Variants in ROCK2 observed in about 807,000 individuals in gnomAD.
The protein encoded by ROCK2 is Rho associated coiled-coil containing protein kinase 2, also known as rho-associated protein kinase 2.
ROCK2 carries 61 observed loss-of-function variants against 195.1 expected under a neutral mutation model. The observed-to-expected ratio is 0.31, with a 90% CI of 0.25 to 0.39. ROCK2 has a LOEUF of 0.39. Among genes scored for constraint, ROCK2 ranks in the 10% least tolerant of loss-of-function variants. The probability of loss-of-function intolerance (pLI) is 1.00; values close to 1 mark genes in which losing one functional copy is unlikely to be tolerated. For synonymous variants in ROCK2, 504 were observed against 545.5 expected (o/e 0.92, Z 1.06); for missense variants, 1,109 against 1,637.4 (o/e 0.68, Z 5.57).
At chr2:11,208,696 A>G (rs1295320703) in intron 18 of ROCK2, among the ~76,000 whole-genome samples, 1 of 151,538 alleles carries the variant, frequency 6.6e-6, no homozygotes, top group Non-Finnish European at 1.5e-5. Flanking sequence ...GATTCAAGCA[A>G]TTCTCGTGCC....
intron 17 of ROCK2, among the ~76,000 whole-genome samples, chr2:11,213,245 G>A (rs1026994455): frequency 6.6e-6 from 1 of 152,056 alleles, no homozygotes; most frequent in African/African-American, 2.4e-5. Context: ...TCTCCACACA[G>A]TATACAGCGA....
rs148969026 is a variant in ROCK2, at chr2:11,231,667, A to T, written c.723+4035T>A. Among the ~76,000 whole-genome samples, 1,081 of 152,194 alleles carry T rather than the reference A, an allele frequency of 7.1e-3. 14 individuals carry two copies. The highest frequency in any genetic ancestry group is 0.025 in the African/African-American group (1,029 of 41,514). ...ATAAATATCTTACAATGTGACTCTC[A>T]CTCACATTTAGATAAGTTTTTTTTT... On this transcript the variant is annotated intron_variant, in intron 5 of 32. Transcript: ENST00000315872.
intron 4 of ROCK2, among the ~76,000 whole-genome samples, chr2:11,240,512 G>A (rs935109554): frequency 1.4e-4 from 21 of 152,214 alleles, no homozygotes; most frequent in African/African-American, 4.6e-4. Flanking sequence ...AGTACCAGAT[G>A]TAAAAGATAA....
rs1558388197 is a variant in ROCK2, at chr2:11,317,591, TATATATATA to T, written c.141+26396_141+26404del. Among the ~76,000 whole-genome samples the T allele has an allele frequency of 1.8e-3, 25 of 13,940 alleles. 1 individual carries two copies. Among genetic ancestry groups the T allele is most frequent in the Non-Finnish European group, 3.6e-3 (25 of 6,872 alleles). The allele number at this position is 13,940 out of a possible 152,430, so 9.1% of individuals were successfully genotyped here. A position where few individuals can be genotyped will look rare whatever the true frequency, so the allele number is the denominator to read the frequency against. Reference sequence around the variant, plus strand: ...ATCTACACATTTATATATATATATATATATATATATATATATATATATTTTTTTTTTTTT... The same window carrying T: ...ATCTACACATTTATATATATATATATTATATATATATATTTTTTTTTTTTT... On this transcript the variant is annotated intron_variant, in intron 1 of 32. Transcript: ENST00000315872.
rs946560630 is a variant in ROCK2 at position 11,180,341 on chromosome 2, G to A, written c.*3096C>T. ...TCTATATATAAATGGATGCAAAATA[G>A]ATACTTTAGAGCCAGATTCATGTAA... On this transcript the variant is annotated 3_prime_UTR_variant, in exon 33 of 33. Coordinates refer to ENST00000315872, the MANE Select transcript of ROCK2 (RefSeq NM_004850.5). The A allele has an allele frequency of 2.6e-5, 4 of 152,172 alleles. No homozygotes were observed. Among genetic ancestry groups the A allele is most frequent in the African/African-American group, 9.7e-5 (4 of 41,444 alleles). The allele number at this position is 152,172 out of a possible 1,614,324, so 9.4% of individuals were successfully genotyped here. A position where few individuals can be genotyped will look rare whatever the true frequency, so the allele number is the denominator to read the frequency against.
intron 1 of ROCK2, among the ~76,000 whole-genome samples, chr2:11,314,775 GA>G (rs1322224258): frequency 6.6e-6 from 1 of 151,948 alleles, no homozygotes; most frequent in African/African-American, 2.4e-5. Context: ...CTTAAATATA[GA>G]TGTCCTTGAA....
intron 7 of ROCK2, among the ~76,000 whole-genome samples, chr2:11,223,962 A>C (rs1664723935): frequency 6.6e-6 from 1 of 152,160 alleles, no homozygotes; most frequent in Non-Finnish European, 1.5e-5. Context: ...TTGAGTATTT[A>C]TCTACACAAA....
rs144679645 is a variant in ROCK2 at position 11,204,032 on chromosome 2, C to T, written c.2550-1911G>A. 7.0e-3 allele frequency among the ~76,000 whole-genome samples: 1,068 copies of T among 152,204 alleles called. 15 individuals carry two copies. The highest frequency in any genetic ancestry group is 0.024 in the African/African-American group (1,016 of 41,504). On this transcript the variant is annotated intron_variant, in intron 20 of 32. Transcript: ENST00000315872. Reference sequence around the variant, plus strand: ...AAAGAACCATGTAATTACATGATTACAAATGAGGAGTACAGAACAGAAGGA... The same window carrying T: ...AAAGAACCATGTAATTACATGATTATAAATGAGGAGTACAGAACAGAAGGA...
intron 18 of ROCK2, 91 bp from the exon 19 acceptor site, chr2:11,208,538 T>C (rs1004534922): frequency 3.5e-6 from 2 of 573,146 alleles, no homozygotes; most frequent in Admixed American, 4.0e-5. Context: ...AATGACACCA[T>C]ACTAATAAAA....
chr2:11,290,990 GA>G (rs1667345435), intron 1 of ROCK2, among the ~76,000 whole-genome samples: 1 of 152,094 alleles, frequency 6.6e-6, no homozygotes, highest in African/African-American at 2.4e-5. Context: ...CTCCAATGCA[GA>G]AACTAACTTA....
Position 11,344,621 on chromosome 2 carries a change from G to T in ROCK2, c.-485C>A. On this transcript the variant is annotated 5_prime_UTR_variant, in exon 1 of 33. Transcript: ENST00000315872. This position sits in a 1 kb window ranked among gnomAD's most constrained non-coding sequence, Gnocchi z 5.4. ...GCCAGCTCCCGGCGCACACACTCCC[G>T]CGCGGCCGCCCGTCTCCGGCCGCGC... 4.2e-6 allele frequency: 1 copy of T among 239,192 alleles called. No homozygotes were observed. The highest frequency in any genetic ancestry group is 2.4e-5 in the African/African-American group (1 of 41,948). The allele number at this position is 239,192 out of a possible 1,614,324, so 14.8% of individuals were successfully genotyped here. A position where few individuals can be genotyped will look rare whatever the true frequency, so the allele number is the denominator to read the frequency against.
At chr2:11,250,275 T>G (rs994388597) in intron 3 of ROCK2, among the ~76,000 whole-genome samples, 3 of 152,214 alleles carry the variant, frequency 2.0e-5, no homozygotes, top group Non-Finnish European at 4.4e-5. Flanking sequence ...TCACTCTTAT[T>G]TCTCTTTAGG....
chr2:11,327,948 G>A (rs1338202063), intron 1 of ROCK2, among the ~76,000 whole-genome samples: 1 of 151,940 alleles, frequency 6.6e-6, no homozygotes, highest in African/African-American at 2.4e-5. Context: ...TTTGTGATAA[G>A]CTGACAAAAC....
At chr2:11,207,940 A>G (rs776592873) in intron 19 of ROCK2, 30 bp from the exon 20 acceptor site, 47 of 1,395,164 alleles carry the variant, frequency 3.4e-5, no homozygotes, top group Non-Finnish European at 3.7e-5. Context: ...CTTGGTATAT[A>G]AGTAAATTAT....
In ROCK2 at chr2:11,269,510, C is replaced by CA. The variant is rs61527035; in HGVS notation, c.324+17028dup. On this transcript the variant is annotated intron_variant, in intron 3 of 32. Coordinates refer to ENST00000315872, the MANE Select transcript of ROCK2 (RefSeq NM_004850.5). Reference sequence around the variant, plus strand: ...TGGGTGACAGAGCAAGACTCCATCTCAAAAAAAAAAAAAAAATCTTTTTTG... The same window carrying CA: ...TGGGTGACAGAGCAAGACTCCATCTCAAAAAAAAAAAAAAAAATCTTTTTTG... Among the ~76,000 whole-genome samples the CA allele has an allele frequency of 1.9e-3, 255 of 136,560 alleles. 1 individual carries two copies. The Middle Eastern group carries it at 0.019, about 10-fold the overall frequency. The allele number at this position is 136,560 out of a possible 152,430, so 89.6% of individuals were successfully genotyped here. A position where few individuals can be genotyped will look rare whatever the true frequency, so the allele number is the denominator to read the frequency against.
intron 7 of ROCK2, among the ~76,000 whole-genome samples, chr2:11,223,649 G>A (rs1159933933): frequency 6.6e-6 from 1 of 152,144 alleles, no homozygotes; most frequent in African/African-American, 2.4e-5. Flanking sequence ...AAGCTGATGT[G>A]TAAGTTTGAA....
At chr2:11,317,613 T>TATATATATACATATA (rs1553317465) in intron 1 of ROCK2, among the ~76,000 whole-genome samples, 1 of 20,318 alleles carries the variant, frequency 4.9e-5, no homozygotes, top group African/African-American at 2.0e-4. Flanking sequence ...TATATATATA[T>TATATATATACATATA]TTTTTTTTTT....
At chr2:11,280,986 C>T (rs377605949) in intron 3 of ROCK2, among the ~76,000 whole-genome samples, 4 of 151,802 alleles carry the variant, frequency 2.6e-5, no homozygotes, top group African/African-American at 9.7e-5. Flanking sequence ...TGCAAAAATC[C>T]TCAACAAAAT....
rs1667922012 is a variant in ROCK2, at chr2:11,308,162, C to CCAAGCT, written c.142-20432_142-20427dup. On this transcript the variant is annotated intron_variant, in intron 1 of 32. Transcript: ENST00000315872. ...TAGCAAGACATCTACAAAAAGAGGC[C>CCAAGCT]CAAGCTCAACACAATAATTCTGAAT... 3.1e-6 allele frequency: 5 copies of CCAAGCT among 1,602,488 alleles called. No individual in the cohort carries two copies. In the East Asian group the frequency reaches 1.1e-4, roughly 36 times the overall value.
Sources: gnomAD v4.1 joint callset for allele counts (sites outside exome capture counted in the v4.1 genomes callset) on GRCh38, gnomAD v4.1.1 for gene constraint, Gnocchi (gnomAD v3.1) non-coding constraint, MANE v1.5 for transcripts, NCBI Gene and HGNC (gene_info 2026-07-23, HGNC 2026-07-21) for gene names.